AAGAB: variants seen among roughly 807,000 people sequenced by gnomAD.
The protein encoded by AAGAB is alpha- and gamma-adaptin-binding protein p34.
AAGAB carries 38 observed loss-of-function variants against 44.1 expected under a neutral mutation model. That is an observed-to-expected ratio of 0.86 (90% CI 0.67 to 1.13). The LOEUF (loss-of-function observed/expected upper bound fraction) is 1.13. Ranked by LOEUF, AAGAB falls within the 50% of genes most tolerant of loss-of-function variation. AAGAB has a pLI of 0.00. For missense variants in AAGAB, 450 were observed against 373.8 expected, an observed-to-expected ratio of 1.20 and a Z score of -1.68; for synonymous variants, 131 against 131.8, an observed-to-expected ratio of 0.99 and a Z score of 0.04.
chr15:67,222,720 C>T lies in AAGAB; in HGVS notation c.535+9094G>A, dbSNP rs187750897. On this transcript the variant is annotated intron_variant, in intron 5 of 9. Transcript: ENST00000261880. ...GTTTCCCTTCTCTCTCCTACTTCATCCATTTTTCACCCTCTATTGGAACTT... is the reference window on the plus strand; with the variant it reads ...GTTTCCCTTCTCTCTCCTACTTCATTCATTTTTCACCCTCTATTGGAACTT... Among the ~76,000 whole-genome samples, 595 of 152,250 alleles carry T rather than the reference C, an allele frequency of 3.9e-3. 4 individuals are homozygous for T. The highest frequency in any genetic ancestry group is 0.013 in the African/African-American group (554 of 41,550).
chr15:67,214,491 T>TG (rs1313380589), intron 5 of AAGAB, among the ~76,000 whole-genome samples: 1 of 152,022 alleles, frequency 6.6e-6, no homozygotes, highest in Non-Finnish European at 1.5e-5. Context: ...GAAAGAGGGG[T>TG]GTCCTGTGCA....
Position 67,236,616 on chromosome 15 carries a change from A to C in AAGAB, c.264+14T>G, listed in dbSNP as rs1055345874. The stretch of plus-strand genomic sequence containing the variant: ...AATTTCTTATTCAAGCCTTCATAGA[A>C]AACAAAGTCTTACTTGTGTGCTGTC... On this transcript the variant is annotated intron_variant, in intron 2 of 9. Transcript: ENST00000261880. 1.2e-6 allele frequency: 2 copies of C among 1,610,390 alleles called. No homozygotes were observed. Among genetic ancestry groups the C allele is most frequent in the Admixed American group, 3.4e-5 (2 of 59,482 alleles).
At chr15:67,255,182 A>G (rs1163614541), upstream of AAGAB, 32 of 580,302 alleles carry the variant, frequency 5.5e-5, no homozygotes, top group Non-Finnish European at 8.7e-5. Flanking sequence ...CTCTGGGAAA[A>G]CTCTAAAACC....
chr15:67,254,608 C>T lies in AAGAB; in HGVS notation c.24G>A (p.Ala8=), dbSNP rs752740271. The T allele has an allele frequency of 1.9e-6, 3 of 1,608,050 alleles. No individual in the cohort carries two copies. The highest frequency in any genetic ancestry group is 1.7e-5 in the Admixed American group (1 of 59,490). The change falls in exon 1 of 10, where the codon GCG becomes GCA. Residue 8 remains alanine, a synonymous_variant. Coordinates refer to ENST00000261880, the MANE Select transcript of AAGAB (RefSeq NM_024666.5). The part of the protein sequence containing the change: MAAGVPC[A]LVTSCSSVFS... ...AGACGGAGGAGCAGCTGGTGACTAA[C>T]GCACAGGGTACGCCAGCAGCCATAG...
chr15:67,202,770 T>C lies in AAGAB; in HGVS notation c.*51A>G, dbSNP rs1272995648. ...AATATGACTGGGCTGAGTAGAGAGGTATCTCAGAGACAGCTAGCATCTTTG... is the reference window on the plus strand; with the variant it reads ...AATATGACTGGGCTGAGTAGAGAGGCATCTCAGAGACAGCTAGCATCTTTG... On this transcript the variant is annotated 3_prime_UTR_variant, in exon 10 of 10. Coordinates refer to ENST00000261880, the MANE Select transcript of AAGAB (RefSeq NM_024666.5). The C allele has an allele frequency of 6.4e-7, 1 of 1,571,266 alleles. No homozygotes were observed. The highest frequency in any genetic ancestry group is 2.2e-5 in the East Asian group (1 of 44,662).
At chr15:67,220,612 T>C (rs1285822894) in intron 5 of AAGAB, 2 of 152,200 alleles carry the variant, frequency 1.3e-5, no homozygotes, top group Admixed American at 1.3e-4. Context: ...ATCAGGCTAA[T>C]CACATACACT....
In AAGAB at chr15:67,229,461, GA is replaced by G. The variant is rs372170993; in HGVS notation, c.535+2352del. Among the ~76,000 whole-genome samples, 541 of 141,740 alleles carry G rather than the reference GA, an allele frequency of 3.8e-3. 1 individual carries two copies. The highest frequency in any genetic ancestry group is 0.013 in the African/African-American group (509 of 38,492). The allele number at this position is 141,740 out of a possible 152,430, so 93.0% of individuals were successfully genotyped here. On this transcript the variant is annotated intron_variant, in intron 5 of 9. Transcript: ENST00000261880. ...AAAAAAAAAAAAAGAGTTGGAGAAG[GA>G]AAAAAAAAACCCAAAAAAACTCCTT... is the stretch of plus-strand genomic sequence containing the variant.
chr15:67,251,267 A>G (rs1418224503), intron 1 of AAGAB, among the ~76,000 whole-genome samples: 1 of 147,290 alleles, frequency 6.8e-6, no homozygotes, highest in Non-Finnish European at 1.5e-5. Flanking sequence ...TATTTGAGAC[A>G]GGGTCTCACT....
chr15:67,243,662 G>C (rs1441266826), intron 1 of AAGAB, among the ~76,000 whole-genome samples: 1 of 152,130 alleles, frequency 6.6e-6, no homozygotes, highest in Admixed American at 6.6e-5. Context: ...GAGATACCCT[G>C]ATCTACAGCA....
intron 7 of AAGAB, among the ~76,000 whole-genome samples, chr15:67,208,241 T>G (rs1007589030): frequency 2.6e-5 from 4 of 152,238 alleles, no homozygotes; most frequent in Non-Finnish European, 5.9e-5. Context: ...CGATTCTGAC[T>G]TCTGTTAAAT....
At position 67,236,658 on chromosome 15, in the gene AAGAB, G is replaced by A. The variant is rs1318885968; in HGVS notation, c.236C>T (p.Ala79Val). The stretch of plus-strand genomic sequence containing the variant: ...TGTGCTGTCAAAGTAAACCACAAAT[G>A]CTTGGACAGATTCTGCAATCTCTGC... ...VTAEIAESVQ[A>V]FVVYFDSTQK... is the part of the protein sequence containing the mutation. The change falls in exon 2 of 10, where the codon GCA becomes GTA. Residue 79 changes from alanine to valine, a missense_variant. Transcript: ENST00000261880. 3.7e-6 allele frequency: 6 copies of A among 1,614,032 alleles called. No homozygotes were observed. Among genetic ancestry groups the A allele is most frequent in the Non-Finnish European group, 5.1e-6 (6 of 1,179,972 alleles).
At chr15:67,248,989 A>C (rs1010624329) in intron 1 of AAGAB, among the ~76,000 whole-genome samples, 2 of 152,236 alleles carry the variant, frequency 1.3e-5, no homozygotes, top group Non-Finnish European at 1.5e-5. Flanking sequence ...AAGTCAAGTT[A>C]AGAAGCATTA....
At chr15:67,228,142 C>T (rs920147900) in intron 5 of AAGAB, among the ~76,000 whole-genome samples, 4 of 152,184 alleles carry the variant, frequency 2.6e-5, no homozygotes, top group African/African-American at 9.7e-5. Context: ...CAATTTACAA[C>T]CATAAGTGTA....
rs769582216 is a variant in AAGAB at position 67,236,702 on chromosome 15, T to C, written c.192A>G (p.Pro64=). 6.8e-6 allele frequency: 11 copies of C among 1,613,986 alleles called. No homozygotes were observed. Among genetic ancestry groups the C allele is most frequent in the Non-Finnish European group, 7.6e-6 (9 of 1,179,992 alleles). Residue 64 remains proline, a synonymous_variant, in exon 2 of 10, where the codon CCA becomes CCG. Transcript: ENST00000261880. ...TCTCTGCAGTAACAAGAAATTTGTT[T>C]GGCACCACACATAGATTGATGTCTG... is the stretch of plus-strand genomic sequence containing the variant. The part of the protein sequence containing the change: ...YSADINLCVV[P]NKFLVTAEIA...
chr15:67,244,785 G>C (rs1480445203), intron 1 of AAGAB, among the ~76,000 whole-genome samples: 1 of 151,708 alleles, frequency 6.6e-6, no homozygotes, highest in Non-Finnish European at 1.5e-5. Context: ...GCCTGGGCAA[G>C]AGAGTGAGAC....
At chr15:67,253,233 T>C (rs1251322322) in intron 1 of AAGAB, among the ~76,000 whole-genome samples, 1 of 124,996 alleles carries the variant, frequency 8.0e-6, no homozygotes, top group Non-Finnish European at 1.6e-5. Context: ...CAGACCAGCC[T>C]GGGCAACATG....
At chr15:67,208,476 G>T in intron 7 of AAGAB, 86 bp downstream of exon 7, 1 of 1,233,100 alleles carries the variant, frequency 8.1e-7, no homozygotes, top group Non-Finnish European at 1.2e-6. Context: ...TGTGTTTAAA[G>T]TCAATTTCCC....
intron 5 of AAGAB, among the ~76,000 whole-genome samples, chr15:67,222,232 G>A (rs1442971536): frequency 1.7e-4 from 14 of 82,002 alleles, no homozygotes; most frequent in African/African-American, 4.2e-4. Context: ...GCACGCGCAC[G>A]CGCGCGCGCG....
rs1367738219 is a variant in AAGAB at position 67,222,242 on chromosome 15, G to GCGCGCACA, written c.535+9571_535+9572insTGTGCGCG. 6.6e-3 allele frequency among the ~76,000 whole-genome samples: 591 copies of GCGCGCACA among 90,082 alleles called. 6 individuals carry two copies. Among genetic ancestry groups the GCGCGCACA allele is most frequent in the Middle Eastern group, 0.013 (2 of 154 alleles). 59.1% of individuals were successfully genotyped at this position (90,082 alleles called of 152,430 possible). Reference sequence around the variant, plus strand: ...TGCATGCACGCGCACGCGCGCGCGCGCACACACACACACACACACACACAC... The same window carrying GCGCGCACA: ...TGCATGCACGCGCACGCGCGCGCGCGCGCGCACACACACACACACACACACACACACAC... On this transcript the variant is annotated intron_variant, in intron 5 of 9. Transcript: ENST00000261880.
Sources: allele counts gnomAD v4.1 joint callset (sites outside exome capture counted in the v4.1 genomes callset), GRCh38; gene constraint gnomAD v4.1.1; transcripts MANE v1.5; gene names NCBI Gene and HGNC (gene_info 2026-07-23, HGNC 2026-07-21).